ROBO1: variants seen among roughly 807,000 people sequenced by gnomAD.
ROBO1 encodes roundabout guidance receptor 1.
In ROBO1, 149 loss-of-function variants were observed where a neutral mutation model predicts 195.9. The observed-to-expected ratio is 0.76, with a 90% confidence interval of 0.67 to 0.87. The LOEUF (loss-of-function observed/expected upper bound fraction) is 0.87. Ranked by LOEUF, ROBO1 falls within the 40% of genes least tolerant of loss-of-function variation. ROBO1 has a pLI of 0.00. For synonymous variants in ROBO1, 816 were observed against 733.2 expected (o/e 1.11, Z -1.82); for missense variants, 1,933 against 2,068.3 (o/e 0.93, Z 1.27).
intron 2 of ROBO1, among the ~76,000 whole-genome samples, chr3:79,194,203 G>A (rs1263082257): frequency 1.3e-5 from 2 of 151,634 alleles, no homozygotes; most frequent in Non-Finnish European, 3.0e-5. Context: ...GCCTATCAAT[G>A]TTTTACAATA....
intron 4 of ROBO1, among the ~76,000 whole-genome samples, chr3:78,807,220 A>G (rs2084572981): frequency 6.6e-6 from 1 of 152,242 alleles, no homozygotes; most frequent in Admixed American, 6.5e-5. Flanking sequence ...CTGTAATGCA[A>G]AAGAACAGAA....
chr3:79,068,026 G>A (rs1317834700), intron 3 of ROBO1, among the ~76,000 whole-genome samples: 1 of 151,930 alleles, frequency 6.6e-6, no homozygotes, highest in African/African-American at 2.4e-5. Context: ...GAGGAAAAGA[G>A]AGCATGTGTG....
At chr3:78,754,265 A>G (rs2082871367) in intron 4 of ROBO1, among the ~76,000 whole-genome samples, 1 of 152,198 alleles carries the variant, frequency 6.6e-6, no homozygotes, top group African/African-American at 2.4e-5. Flanking sequence ...TACAAATGGA[A>G]AGGAGGACAA....
intron 10 of ROBO1, among the ~76,000 whole-genome samples, chr3:78,676,490 G>A (rs547003529): frequency 5.9e-5 from 9 of 152,316 alleles, no homozygotes; most frequent in South Asian, 2.1e-4. Context: ...AGGAGCTGAT[G>A]GAGCTGAAAG....
intron 3 of ROBO1, among the ~76,000 whole-genome samples, chr3:78,979,866 T>A (rs1352946646): frequency 6.6e-6 from 1 of 151,862 alleles, no homozygotes; most frequent in African/African-American, 2.4e-5. Context: ...GCTCACACCC[T>A]TCCTAGTCAT....
chr3:79,737,930 T>A (rs1214538206), intron 1 of ROBO1, among the ~76,000 whole-genome samples: 1 of 152,174 alleles, frequency 6.6e-6, no homozygotes, highest in Non-Finnish European at 1.5e-5. Context: ...TCTTCACATC[T>A]TATTCCCTCT....
chr3:79,308,642 G>T (rs1696274174), intron 2 of ROBO1, among the ~76,000 whole-genome samples: 6 of 152,080 alleles, frequency 3.9e-5, no homozygotes. Context: ...AAGTGTTCTG[G>T]GAAGTCCTCT....
intron 5 of ROBO1, among the ~76,000 whole-genome samples, chr3:78,727,774 A>G (rs2082199695): frequency 6.6e-6 from 1 of 152,236 alleles, no homozygotes; most frequent in Non-Finnish European, 1.5e-5. Flanking sequence ...ATTGTTCATA[A>G]ATCGATTCAA....
intron 2 of ROBO1, among the ~76,000 whole-genome samples, chr3:79,268,446 G>C (rs1271125606): frequency 6.6e-6 from 1 of 151,408 alleles, no homozygotes; most frequent in Non-Finnish European, 1.5e-5. Flanking sequence ...TCACCTTCCT[G>C]TCCCACATGA....
At chr3:79,335,921 A>T (rs1486711337) in intron 2 of ROBO1, among the ~76,000 whole-genome samples, 1 of 152,200 alleles carries the variant, frequency 6.6e-6, no homozygotes, top group East Asian at 1.9e-4. Context: ...GTGGTCTCAG[A>T]TGAAGCTGAG....
intron 2 of ROBO1, among the ~76,000 whole-genome samples, chr3:79,407,889 A>G (rs1046850253): frequency 3.3e-5 from 5 of 151,966 alleles, no homozygotes; most frequent in African/African-American, 1.2e-4. Flanking sequence ...TAAACAATGG[A>G]CTCTTCTAAG....
intron 1 of ROBO1, among the ~76,000 whole-genome samples, chr3:79,712,050 C>A (rs1424143001): frequency 1.3e-5 from 2 of 152,024 alleles, no homozygotes; most frequent in African/African-American, 4.8e-5. Flanking sequence ...TCCTTACTTT[C>A]TGGCCTCCCT....
chr3:78,787,925 T>C, intron 4 of ROBO1, among the ~76,000 whole-genome samples: 1 of 119,094 alleles, frequency 8.4e-6, no homozygotes, highest in Non-Finnish European at 1.7e-5. Context: ...AGACCCCTTC[T>C]CTTTTTTTTT....
intron 3 of ROBO1, among the ~76,000 whole-genome samples, chr3:79,041,157 T>C (rs975102314): frequency 6.6e-6 from 1 of 152,186 alleles, no homozygotes; most frequent in Non-Finnish European, 1.5e-5. Flanking sequence ...GAAGAAGGGA[T>C]ATGCTTGGGG....
intron 1 of ROBO1, among the ~76,000 whole-genome samples, chr3:79,668,185 A>C (rs1354254430): frequency 6.6e-6 from 1 of 151,868 alleles, no homozygotes; most frequent in Non-Finnish European, 1.5e-5. Context: ...TGTAGCTTTT[A>C]TGATTAATAT....
chr3:78,920,516 A>G (rs578153424), intron 4 of ROBO1, among the ~76,000 whole-genome samples: 1 of 151,660 alleles, frequency 6.6e-6, no homozygotes, highest in East Asian at 1.9e-4. Context: ...AATGTTGGTC[A>G]GGCTGGTCTC....
chr3:79,755,385 C>T (rs893497358), intron 1 of ROBO1, among the ~76,000 whole-genome samples: 19 of 152,036 alleles, frequency 1.2e-4, no homozygotes, highest in African/African-American at 4.3e-4. Flanking sequence ...AGAGTACAAC[C>T]AAGTTAGCCC....
chr3:79,464,956 G>A (rs1438321646), intron 2 of ROBO1, among the ~76,000 whole-genome samples: 1 of 152,030 alleles, frequency 6.6e-6, no homozygotes, highest in Non-Finnish European at 1.5e-5. Flanking sequence ...GCACCTCCTC[G>A]GGATTAGAAA....
rs140818457 is a variant in ROBO1, at chr3:79,440,551, G to C, written c.88+149273C>G. On this transcript the variant is annotated intron_variant, in intron 2 of 30. Coordinates refer to ENST00000464233, the MANE Select transcript of ROBO1 (RefSeq NM_002941.4). ...TGTAGCTGTCCCCTGCAAGAACCAG[G>C]ATAGTCCTTGTCCTCAAACAAGCTC... is the stretch of plus-strand genomic sequence containing the variant. Among the ~76,000 whole-genome samples the C allele has an allele frequency of 7.8e-4, 118 of 152,194 alleles. 2 individuals are homozygous for C. In the East Asian group the frequency reaches 0.022, roughly 28 times the overall value.
Sources: allele counts gnomAD v4.1 joint callset (sites outside exome capture counted in the v4.1 genomes callset), GRCh38; gene constraint gnomAD v4.1.1; transcripts MANE v1.5; gene names NCBI Gene and HGNC (gene_info 2026-07-23, HGNC 2026-07-21).